HERC1: variants seen among roughly 807,000 people sequenced by gnomAD.
HERC1 encodes the protein probable E3 ubiquitin-protein ligase HERC1.
A neutral mutation model predicts 554.3 loss-of-function variants in HERC1; 160 were observed. The observed-to-expected ratio is 0.29, with a 90% CI of 0.25 to 0.33. HERC1 has a LOEUF of 0.33. Ranked by LOEUF, HERC1 falls within the 10% of genes least tolerant of loss-of-function variation. The probability of loss-of-function intolerance (pLI) is 1.00; values close to 1 mark genes in which losing one functional copy is unlikely to be tolerated. For synonymous variants in HERC1, 2,175 were observed against 2,131.7 expected, an observed-to-expected ratio of 1.02 and a Z score of -0.56; for missense variants, 4,919 against 5,918.5, an observed-to-expected ratio of 0.83 and a Z score of 5.54.
chr15:63,646,056 C>G (rs184851549), intron 55 of HERC1, among the ~76,000 whole-genome samples: 1 of 152,272 alleles, frequency 6.6e-6, no homozygotes, highest in African/African-American at 2.4e-5. Flanking sequence ...AAAAAATGCA[C>G]CCCTTACATC....
At chr15:63,688,210 A>C (rs2071892139) in intron 33 of HERC1, among the ~76,000 whole-genome samples, 1 of 152,204 alleles carries the variant, frequency 6.6e-6, no homozygotes, top group South Asian at 2.1e-4. Context: ...GGCAAATTCA[A>C]GTCACATTTT....
chr15:63,649,477 C>T (rs2069557563), intron 54 of HERC1, among the ~76,000 whole-genome samples: 1 of 152,092 alleles, frequency 6.6e-6, no homozygotes, highest in South Asian at 2.1e-4. Flanking sequence ...AAATATTAAG[C>T]CACACAAAAG....
chr15:63,718,185 A>G lies in HERC1; in HGVS notation c.3978+389T>C, dbSNP rs1424385597. On this transcript the variant is annotated intron_variant, in intron 21 of 77. Transcript: ENST00000443617. The surrounding 1 kb of genome is among the most constrained non-coding windows in gnomAD (Gnocchi z 4.2). ...ATTTTTGATACTTTCTAGTCCTTCT[A>G]TGACATAATTTTTGGACTTTATCAA... Among the ~76,000 whole-genome samples the G allele has an allele frequency of 1.3e-5, 2 of 151,754 alleles. No homozygotes were observed. Among genetic ancestry groups the G allele is most frequent in the East Asian group, 1.9e-4 (1 of 5,170 alleles).
intron 3 of HERC1, among the ~76,000 whole-genome samples, chr15:63,760,435 C>CA (rs34164820): frequency 0.48 from 43,415 of 91,306 alleles, 10,446 homozygotes; most frequent in Non-Finnish European, 0.56. Context: ...AGACACCATC[C>CA]AAAAAAAAAA....
At chr15:63,785,297 G>A (rs151025071) in intron 1 of HERC1, among the ~76,000 whole-genome samples, 3 of 152,032 alleles carry the variant, frequency 2.0e-5, no homozygotes, top group East Asian at 1.9e-4. Context: ...GGTGGTACAC[G>A]ACTGTGGTCC....
intron 74 of HERC1, among the ~76,000 whole-genome samples, chr15:63,621,311 G>A (rs894003348): frequency 1.5e-4 from 23 of 152,168 alleles, no homozygotes; most frequent in African/African-American, 5.5e-4. Context: ...TAAGAATGTT[G>A]AATATTGGCC....
chr15:63,696,543 T>C (rs185401116), intron 26 of HERC1, among the ~76,000 whole-genome samples: 167 of 152,282 alleles, frequency 1.1e-3, no homozygotes, highest in Non-Finnish European at 2.0e-3. Context: ...TAAAAAAGGT[T>C]AGAGTACAAT....
intron 32 of HERC1, 142 bp from the exon 33 acceptor site, chr15:63,689,841 ATAAGT>A (rs1375236570): frequency 1.9e-6 from 1 of 536,036 alleles, no homozygotes; most frequent in Non-Finnish European, 3.3e-6. Flanking sequence ...TTTAGTGGTT[ATAAGT>A]TAAATATCAG....
rs1236015191 is a variant in HERC1 at position 63,818,592 on chromosome 15, G to A, written c.-27+15235C>T. On this transcript the variant is annotated intron_variant, in intron 1 of 77. Coordinates refer to ENST00000443617, the MANE Select transcript of HERC1 (RefSeq NM_003922.4). Reference sequence around the variant, plus strand: ...CACTAATCAATTACTTTAAAGCTAAGTGATTCTGTGAATTCATATTGGATT... The same window carrying A: ...CACTAATCAATTACTTTAAAGCTAAATGATTCTGTGAATTCATATTGGATT... 5.3e-5 allele frequency among the ~76,000 whole-genome samples: 8 copies of A among 152,322 alleles called. 1 individual carries two copies. The South Asian group carries it at 1.7e-3, about 32-fold the overall frequency.
At chr15:63,730,236 C>A (rs1383898860) in intron 14 of HERC1, among the ~76,000 whole-genome samples, 11 of 151,640 alleles carry the variant, frequency 7.3e-5, no homozygotes. Flanking sequence ...GGAAAGACTG[C>A]CTGAGGTCAG....
At position 63,654,158 on chromosome 15, in the gene HERC1, T is replaced by C. The variant is rs751940901; in HGVS notation, c.10251A>G (p.Arg3417=). 9.9e-6 allele frequency: 16 copies of C among 1,614,038 alleles called. No homozygotes were observed. Among genetic ancestry groups the C allele is most frequent in the Middle Eastern group, 3.3e-4 (2 of 6,062 alleles). Residue 3417 remains arginine, a synonymous_variant, in exon 51 of 78, where the codon AGA becomes AGG. Transcript: ENST00000443617. The part of the protein sequence containing the change: ...QTLADMGGDL[R]KCSFIKLEAH... ...CCTCCAATTTGATAAAGGAGCATTTTCTAAGATCTCCTCCCATATCAGCAA... is the reference window on the plus strand; with the variant it reads ...CCTCCAATTTGATAAAGGAGCATTTCCTAAGATCTCCTCCCATATCAGCAA...
At chr15:63,704,550 A>G (rs959830990) in intron 25 of HERC1, among the ~76,000 whole-genome samples, 2 of 152,182 alleles carry the variant, frequency 1.3e-5, no homozygotes, top group African/African-American at 4.8e-5. Context: ...TTAATATAAC[A>G]TACAACTTTT....
chr15:63,777,419 C>A (rs1353744770), intron 1 of HERC1, among the ~76,000 whole-genome samples: 1 of 152,162 alleles, frequency 6.6e-6, no homozygotes, highest in Admixed American at 6.5e-5. Flanking sequence ...TCCATCCCTT[C>A]CCACATAAGC....
chr15:63,719,541 T>C (rs1454425097), intron 19 of HERC1, among the ~76,000 whole-genome samples: 2 of 152,246 alleles, frequency 1.3e-5, no homozygotes, highest in African/African-American at 2.4e-5. Context: ...AGATACAACA[T>C]GATCTGAGAT....
At chr15:63,719,491 C>T (rs564151621) in intron 19 of HERC1, among the ~76,000 whole-genome samples, 3 of 152,290 alleles carry the variant, frequency 2.0e-5, no homozygotes, top group Admixed American at 1.3e-4. Flanking sequence ...AGGTTTTACT[C>T]GGGGAAAAAT....
intron 18 of HERC1, among the ~76,000 whole-genome samples, chr15:63,723,885 T>C (rs1321843149): frequency 1.3e-5 from 2 of 152,228 alleles, no homozygotes; most frequent in African/African-American, 2.4e-5. Flanking sequence ...TCCTAACTTT[T>C]CAGTGTGACA....
chr15:63,706,792 G>A lies in HERC1; in HGVS notation c.4624C>T (p.His1542Tyr). Residue 1542 changes from histidine to tyrosine, a missense_variant, in exon 25 of 78, where the codon CAC becomes TAC. This residue lies in a region of HERC1 where 1,121 missense variants were observed against 1,244.0 expected (regional missense o/e 0.90). Coordinates refer to ENST00000443617, the MANE Select transcript of HERC1 (RefSeq NM_003922.4). ...TACTTACACTTACCTCTCTTTCTGTGAGATGCTGCCAAATCCAAATCAACA... is the reference window on the plus strand; with the variant it reads ...TACTTACACTTACCTCTCTTTCTGTAAGATGCTGCCAAATCCAAATCAACA... The part of the protein sequence containing the change: ...RNVDLDLAAS[H>Y]RKRGPMHSQL... 6.5e-7 allele frequency: 1 copy of A among 1,540,184 alleles called. No individual in the cohort carries two copies. Among genetic ancestry groups the A allele is most frequent in the South Asian group, 1.2e-5 (1 of 82,458 alleles).
At chr15:63,726,435 G>T (rs879395225) in intron 17 of HERC1, among the ~76,000 whole-genome samples, 1 of 151,968 alleles carries the variant, frequency 6.6e-6, no homozygotes, top group Non-Finnish European at 1.5e-5. Flanking sequence ...TTATCTAAAA[G>T]GAAAATGGAT....
chr15:63,713,531 T>C lies in HERC1; in HGVS notation c.4285A>G (p.Thr1429Ala), dbSNP rs1190083623. The C allele has an allele frequency of 1.3e-5, 21 of 1,613,896 alleles. No individual in the cohort carries two copies. Among genetic ancestry groups the C allele is most frequent in the Admixed American group, 1.7e-5 (1 of 60,002 alleles). Residue 1429 changes from threonine to alanine, a missense_variant, in exon 23 of 78, where the codon ACA (threonine) becomes GCA (alanine). Physicochemically the swap from Thr to Ala is moderately conservative, Grantham distance 58 (BLOSUM62 0). Transcript: ENST00000443617. ...PQSQQERRVS[T>A]DLPEGQDVYT... ...ACATCCTGACCCTCAGGAAGGTCTG[T>C]GCTGACCCTTCGCTCTTGCTGAGAC...
Sources: gnomAD v4.1 joint callset for allele counts (sites outside exome capture counted in the v4.1 genomes callset) on GRCh38, gnomAD v4.1.1 for gene constraint, gnomAD v4.1.1 regional missense constraint, Gnocchi (gnomAD v3.1) non-coding constraint, MANE v1.5 for transcripts, NCBI Gene and HGNC (gene_info 2026-07-23, HGNC 2026-07-21) for gene names.